COL1A1: variants seen among roughly 807,000 people sequenced by gnomAD.
COL1A1 encodes collagen alpha-1(I) chain.
A neutral mutation model predicts 195.7 loss-of-function variants in COL1A1; 21 were observed. The ratio of observed to expected loss-of-function variants is 0.11; its 90% confidence interval spans 0.08 to 0.15. The LOEUF (loss-of-function observed/expected upper bound fraction) is 0.15. COL1A1 is among the 10% of genes least tolerant of loss of function. The probability of loss-of-function intolerance (pLI) is 1.00; values close to 1 mark genes in which losing one functional copy is unlikely to be tolerated. For missense variants in COL1A1, 1,365 were observed against 2,051.0 expected, an observed-to-expected ratio of 0.67 and a Z score of 6.46; for synonymous variants, 749 against 747.3, an observed-to-expected ratio of 1.00 and a Z score of -0.04.
In COL1A1 at chr17:50,194,744, G is replaced by A. The variant is rs1216694327; in HGVS notation, c.1438C>T (p.Leu480=). ...GARGEPGPTG[L]PGPPGERGGP... is the part of the protein sequence containing the mutation. ...ACACGCTCGCCAGGGGGTCCGGGCA[G>A]GCCAGTGGGTCCGGGTTCACCTCGA... Residue 480 remains leucine (L), a synonymous_variant, in exon 21 of 51, where the codon CTG becomes TTG. Transcript: ENST00000225964. The surrounding 1 kb of genome is among the most constrained non-coding windows in gnomAD (Gnocchi z 6.8). 9 of 1,571,582 alleles carry A rather than the reference G, an allele frequency of 5.7e-6. 1 individual carries two copies. The highest frequency in any genetic ancestry group is 7.8e-6 in the Non-Finnish European group (9 of 1,157,706).
intron 1 of COL1A1, among the ~76,000 whole-genome samples, chr17:50,200,633 C>T (rs1009771438): frequency 5.9e-5 from 9 of 152,224 alleles, no homozygotes; most frequent in Non-Finnish European, 1.2e-4. Context: ...AGTTAGCTAA[C>T]CACTCCCACC....
At position 50,195,162 on chromosome 17, in the gene COL1A1, C is replaced by A; in HGVS notation, c.1300-62G>T. The stretch of plus-strand genomic sequence containing the variant: ...GGGCGCTCAGTTGGCCTGCGTCTTC[C>A]TGCTCCCCAGATGAGAGCCGCACTG... On this transcript the variant is annotated intron_variant, in intron 19 of 50. Coordinates refer to ENST00000225964, the MANE Select transcript of COL1A1 (RefSeq NM_000088.4). The surrounding 1 kb of genome is among the most constrained non-coding windows in gnomAD (Gnocchi z 4.3). The A allele has an allele frequency of 6.2e-7, 1 of 1,608,206 alleles. No homozygotes were observed.
chr17:50,192,727 C>T (rs779768325), intron 27 of COL1A1, 34 bp from the exon 28 acceptor site: 1 of 1,613,992 alleles, frequency 6.2e-7, no homozygotes, highest in Non-Finnish European at 8.5e-7. Context: ...CACGGGGAGG[C>T]CGAGGAGACG....
At position 50,191,482 on chromosome 17, in the gene COL1A1, A is replaced by G. The variant is rs762156466; in HGVS notation, c.2136T>C (p.Ala712=). ...APGNDGAKGD[A]GAPGAPGSQG... ...GGCTACCGGGAGCTCCAGGGGCACC[A>G]GCATCACCCTATGTGACAACCAAGA... Residue 712 remains alanine (A), a synonymous_variant, in exon 32 of 51, where the codon GCT becomes GCC. Transcript: ENST00000225964. 5.6e-6 allele frequency: 9 copies of G among 1,613,940 alleles called. No individual in the cohort carries two copies. The highest frequency in any genetic ancestry group is 7.6e-6 in the Non-Finnish European group (9 of 1,179,904).
In COL1A1 at chr17:50,189,947, C is replaced by T. The variant is rs367663062; in HGVS notation, c.2560-35G>A. ...AGCACAGAGGCATCAAGCCTGGACCCGTCCTGGGTCCCAGCCCACCAGCCT... is the reference window on the plus strand; with the variant it reads ...AGCACAGAGGCATCAAGCCTGGACCTGTCCTGGGTCCCAGCCCACCAGCCT... On this transcript the variant is annotated intron_variant, in intron 36 of 50. Coordinates refer to ENST00000225964, the MANE Select transcript of COL1A1 (RefSeq NM_000088.4). This position sits in a 1 kb window ranked among gnomAD's most constrained non-coding sequence, Gnocchi z 5.5. 16 of 1,611,088 alleles carry T rather than the reference C, an allele frequency of 9.9e-6. No homozygotes were observed. The highest frequency in any genetic ancestry group is 6.6e-5 in the South Asian group (6 of 90,950).
At chr17:50,191,549 C>G (rs1193616195) in intron 31 of COL1A1, 59 bp from the exon 32 acceptor site, 2 of 1,487,256 alleles carry the variant, frequency 1.3e-6, no homozygotes, top group African/African-American at 2.8e-5. Flanking sequence ...GGGTCACAGC[C>G]CTAAGCCCCG....
rs1226082045 is a variant in COL1A1 at position 50,186,671 on chromosome 17, G to A, written c.3783C>T (p.Asp1261=). The A allele has an allele frequency of 1.2e-6, 2 of 1,613,772 alleles. No individual in the cohort carries two copies. The highest frequency in any genetic ancestry group is 2.2e-5 in the East Asian group (1 of 44,874). ...SRKNPARTCR[D]LKMCHSDWKS... is the part of the protein sequence containing the mutation. ...TCCAGTCAGAGTGGCACATCTTGAG[G>A]TCACGGCAGGTGCGGGCGGGGTTCT... is the stretch of plus-strand genomic sequence containing the variant. Residue 1261 remains aspartate, a synonymous_variant, in exon 48 of 51, where the codon GAC becomes GAT. Transcript: ENST00000225964. This position sits in a 1 kb window ranked among gnomAD's most constrained non-coding sequence, Gnocchi z 5.3.
In COL1A1 at chr17:50,185,987, C is replaced by A. The variant is rs191166865; in HGVS notation, c.4039G>T (p.Asp1347Tyr). The change falls in exon 50 of 51, where the codon GAT (aspartate) becomes TAT (tyrosine). Residue 1347 changes from aspartate (D) to tyrosine (Y), a missense_variant. Physicochemically the swap from Asp to Tyr is radical, Grantham distance 160. Around this residue, in one of 5 missense-constraint regions of COL1A1, gnomAD observed 273 missense variants for 338.6 expected, o/e 0.81. Coordinates refer to ENST00000225964, the MANE Select transcript of COL1A1 (RefSeq NM_000088.4). Reference sequence around the variant, plus strand: ...AGGAAGGTCAGCTGGATGGCCACATCGGCAGGGTCGGAGCCCTGGCCGCCA... The same window carrying A: ...AGGAAGGTCAGCTGGATGGCCACATAGGCAGGGTCGGAGCCCTGGCCGCCA... ...EYGGQGSDPA[D>Y]VAIQLTFLRL... 1.9e-6 allele frequency: 3 copies of A among 1,613,128 alleles called. No homozygotes were observed. The South Asian group carries it at 3.3e-5, about 18-fold the overall frequency.
intron 25 of COL1A1, 148 bp downstream of exon 25, chr17:50,193,793 ATT>A: frequency 1.3e-6 from 1 of 773,644 alleles, no homozygotes; most frequent in East Asian, 2.7e-5. Context: ...GAAGTCTTTC[ATT>A]TTACAGATAG....
In COL1A1 at chr17:50,185,257, C is replaced by CTTTTTTT. The variant is rs56302025; in HGVS notation, c.*238_*244dup. Reference sequence around the variant, plus strand: ...TTTTTTAAAAAGTTATTTATTTATTCTTTTTTTTTTTTTTTTTTTGGTAAG... The same window carrying CTTTTTTT: ...TTTTTTAAAAAGTTATTTATTTATTCTTTTTTTTTTTTTTTTTTTTTTTTTTGGTAAG... On this transcript the variant is annotated 3_prime_UTR_variant, in exon 51 of 51. Coordinates refer to ENST00000225964, the MANE Select transcript of COL1A1 (RefSeq NM_000088.4). 156 of 192,404 alleles carry CTTTTTTT rather than the reference C, an allele frequency of 8.1e-4. No individual in the cohort carries two copies. The highest frequency in any genetic ancestry group is 1.1e-3 in the African/African-American group (34 of 30,104). 11.9% of individuals were successfully genotyped at this position (192,404 alleles called of 1,614,324 possible).
chr17:50,192,335 C>A, intron 29 of COL1A1, 140 bp downstream of exon 29: 1 of 992,424 alleles, frequency 1.0e-6, no homozygotes, highest in Non-Finnish European at 1.6e-6. Flanking sequence ...CTCTGTGCTG[C>A]TCCCTTCATG....
At chr17:50,187,403 G>A in intron 46 of COL1A1, 81 bp downstream of exon 46, 2 of 1,425,034 alleles carry the variant, frequency 1.4e-6, no homozygotes, top group Non-Finnish European at 2.0e-6. Flanking sequence ...AGAGGCAAAG[G>A]GTGCCTGGGT....
chr17:50,188,959 G>A lies in COL1A1; in HGVS notation c.2989C>T (p.Pro997Ser). 3 of 1,613,756 alleles carry A rather than the reference G, an allele frequency of 1.9e-6. No individual in the cohort carries two copies. The highest frequency in any genetic ancestry group is 1.1e-5 in the South Asian group (1 of 91,072). Residue 997 changes from proline to serine, a missense_variant, in exon 41 of 51, where the codon CCT becomes TCT. By Grantham distance (74) the Pro-to-Ser change is moderately conservative. This residue lies in a region of COL1A1 where 671 missense variants were observed against 1,099.9 expected (regional missense o/e 0.61). Transcript: ENST00000225964. This position sits in a 1 kb window ranked among gnomAD's most constrained non-coding sequence, Gnocchi z 5.6. ...AATCCAGGGGGGCCCATGGGACCAG[G>A]GGGACCACGTTCACCACTTGCTCCA... ...PSGASGERGPPGPMGPPGLAG... is the reference protein window; with the variant it reads ...PSGASGERGPSGPMGPPGLAG...
intron 7 of COL1A1, 36 bp downstream of exon 7, chr17:50,198,125 C>T: frequency 6.2e-7 from 1 of 1,613,752 alleles, no homozygotes. Flanking sequence ...AAGACCAAAG[C>T]CCAAGGAGGC....
At position 50,190,526 on chromosome 17, in the gene COL1A1, A is replaced by G. The variant is rs776602674; in HGVS notation, c.2397+17T>C. Reference sequence around the variant, plus strand: ...GAAGGGCCAAGTATGGGGTCTTAACAGGTCTTCTGTACTTACGGGGGCACC... The same window carrying G: ...GAAGGGCCAAGTATGGGGTCTTAACGGGTCTTCTGTACTTACGGGGGCACC... On this transcript the variant is annotated intron_variant, in intron 34 of 50. Coordinates refer to ENST00000225964, the MANE Select transcript of COL1A1 (RefSeq NM_000088.4). This position sits in a 1 kb window ranked among gnomAD's most constrained non-coding sequence, Gnocchi z 4.7. The G allele has an allele frequency of 1.9e-6, 3 of 1,612,902 alleles. No individual in the cohort carries two copies. Among genetic ancestry groups the G allele is most frequent in the South Asian group, 1.1e-5 (1 of 90,980 alleles).
Position 50,184,456 on chromosome 17 carries a change from AT to A in COL1A1, c.*1045del, listed in dbSNP as rs886053141. 2 of 227,484 alleles carry A rather than the reference AT, an allele frequency of 8.8e-6. No homozygotes were observed. Among genetic ancestry groups the A allele is most frequent in the Non-Finnish European group, 1.7e-5 (2 of 115,282 alleles). 14.1% of individuals were successfully genotyped at this position (227,484 alleles called of 1,614,324 possible). ...CATGTTAAATAGCACCTTTAGAAAA[AT>A]TCACAAGTCCCCATCCACAAAAAAA... On this transcript the variant is annotated 3_prime_UTR_variant, in exon 51 of 51. Transcript: ENST00000225964.
At position 50,190,712 on chromosome 17, in the gene COL1A1, C is replaced by G; in HGVS notation, c.2343+105G>C. The G allele has an allele frequency of 6.7e-7, 1 of 1,484,500 alleles. No homozygotes were observed. Among genetic ancestry groups the G allele is most frequent in the Non-Finnish European group, 9.4e-7 (1 of 1,067,742 alleles). 92.0% of individuals were successfully genotyped at this position (1,484,500 alleles called of 1,614,324 possible). A position where few individuals can be genotyped will look rare whatever the true frequency, so the allele number is the denominator to read the frequency against. On this transcript the variant is annotated intron_variant, in intron 33 of 50. Coordinates refer to ENST00000225964, the MANE Select transcript of COL1A1 (RefSeq NM_000088.4). This position sits in a 1 kb window ranked among gnomAD's most constrained non-coding sequence, Gnocchi z 4.7. The stretch of plus-strand genomic sequence containing the variant: ...CCTCCAGGTTCCCAGGTTGACAGCT[C>G]AGTTTGGCAGGACCTGCTCTCCCAA...
At position 50,188,545 on chromosome 17, in the gene COL1A1, A is replaced by G; in HGVS notation, c.3192T>C (p.Gly1064=). 6.2e-7 allele frequency: 1 copy of G among 1,613,996 alleles called. No homozygotes were observed. The highest frequency in any genetic ancestry group is 1.1e-5 in the South Asian group (1 of 91,076). The change falls in exon 43 of 51, where the codon GGT becomes GGC. Residue 1064 remains glycine, a synonymous_variant. Coordinates refer to ENST00000225964, the MANE Select transcript of COL1A1 (RefSeq NM_000088.4). This position sits in a 1 kb window ranked among gnomAD's most constrained non-coding sequence, Gnocchi z 5.6. ...AGCTACTTACAGTCTCACCACGATC[A>G]CCACTCTTGCCAGCAGGGCCAACGG... ...PGPVGPAGKS[G]DRGETGPAGP... is the part of the protein sequence containing the mutation.
chr17:50,198,556 G>T (rs1344624884), intron 5 of COL1A1, 52 bp from the exon 6 acceptor site: 2 of 1,417,546 alleles, frequency 1.4e-6, no homozygotes, highest in East Asian at 2.3e-5. Flanking sequence ...AAAGGCAGAA[G>T]ACGGCACTGA....
Sources: allele counts gnomAD v4.1 joint callset (sites outside exome capture counted in the v4.1 genomes callset), GRCh38; gene constraint gnomAD v4.1.1; regional missense constraint gnomAD v4.1.1; non-coding constraint Gnocchi (gnomAD v3.1); transcripts MANE v1.5; gene names NCBI Gene and HGNC (gene_info 2026-07-23, HGNC 2026-07-21).